IL1RAPL1: variants seen among roughly 807,000 people sequenced by gnomAD.
IL1RAPL1 encodes interleukin 1 receptor accessory protein like 1.
Under a neutral mutation model 48.4 loss-of-function variants are expected in IL1RAPL1, and 3 were observed. The ratio of observed to expected loss-of-function variants is 0.06; its 90% CI spans 0.03 to 0.16. The LOEUF is 0.16. IL1RAPL1 is among the 10% of genes least tolerant of loss of function. The pLI is 1.00. For missense variants in IL1RAPL1, 349 were observed against 530.6 expected (o/e 0.66, Z 3.36); for synonymous variants, 185 against 187.7 (o/e 0.99, Z 0.12).
chrX:29,588,291 T>C (rs1923251155), intron 5 of IL1RAPL1, among the ~76,000 whole-genome samples: 1 of 112,378 alleles, frequency 8.9e-6, no homozygotes, highest in Non-Finnish European at 1.9e-5. Context: ...TGTTGCCCTA[T>C]GAATTTATGG....
At chrX:28,723,451 A>G (rs1935618955) in intron 1 of IL1RAPL1, among the ~76,000 whole-genome samples, 1 of 110,467 alleles carries the variant, frequency 9.1e-6, no homozygotes, top group Non-Finnish European at 1.9e-5. Flanking sequence ...CCCCTTTATC[A>G]TTTTTTATTG....
chrX:29,261,570 TCTTTC>T (rs1341519092), intron 2 of IL1RAPL1, among the ~76,000 whole-genome samples: 2 of 111,093 alleles, frequency 1.8e-5, no homozygotes, highest in African/African-American at 3.3e-5. Flanking sequence ...CTATCATGTT[TCTTTC>T]CTTCTACTTC....
At chrX:29,457,796 AT>A (rs1777981013) in intron 5 of IL1RAPL1, among the ~76,000 whole-genome samples, 1 of 112,206 alleles carries the variant, frequency 8.9e-6, no homozygotes, top group Non-Finnish European at 1.9e-5. Context: ...GGGCTGAACT[AT>A]TTTACATTCC....
At chrX:29,790,046 G>C (rs1419056219) in intron 6 of IL1RAPL1, among the ~76,000 whole-genome samples, 2 of 110,854 alleles carry the variant, frequency 1.8e-5, no homozygotes, top group East Asian at 5.6e-4. Context: ...TTCTCTGTCT[G>C]GTATTTTTCT....
intron 6 of IL1RAPL1, among the ~76,000 whole-genome samples, chrX:29,675,064 A>G (rs1391359127): frequency 8.9e-6 from 1 of 112,483 alleles, no homozygotes; most frequent in Non-Finnish European, 1.9e-5. Flanking sequence ...AGAAGGATTT[A>G]TATTCCTTTG....
chrX:29,168,723 GTATA>G (rs1270199941), intron 2 of IL1RAPL1, among the ~76,000 whole-genome samples: 2 of 79,262 alleles, frequency 2.5e-5, no homozygotes, highest in African/African-American at 8.1e-5. Flanking sequence ...ATGTACAATT[GTATA>G]TATATATTCA....
Position 28,918,714 on chromosome X carries a change from G to A in IL1RAPL1, c.82+129289G>A, listed in dbSNP as rs895106340. ...GAGACTTGATGCTAAATAGGTGTTT[G>A]GTGTATGAAAACTAAGGATGAAGCA... On this transcript the variant is annotated intron_variant, in intron 2 of 10. Coordinates refer to ENST00000378993, the MANE Select transcript of IL1RAPL1 (RefSeq NM_014271.4). 5.4e-5 allele frequency among the ~76,000 whole-genome samples: 6 copies of A among 111,629 alleles called. No individual in the cohort carries two copies. The Admixed American group carries it at 5.7e-4, about 11-fold the overall frequency.
chrX:29,924,493 TA>T (rs1481996732), intron 8 of IL1RAPL1, among the ~76,000 whole-genome samples: 1 of 112,298 alleles, frequency 8.9e-6, no homozygotes, highest in Non-Finnish European at 1.9e-5. Context: ...GCATGAAAAT[TA>T]AAATTAAATG....
intron 3 of IL1RAPL1, among the ~76,000 whole-genome samples, chrX:29,308,491 G>C (rs922897710): frequency 8.9e-6 from 1 of 111,739 alleles, no homozygotes; most frequent in Non-Finnish European, 1.9e-5. Flanking sequence ...AACAAAAGAA[G>C]GGAGAAAATG....
intron 2 of IL1RAPL1, among the ~76,000 whole-genome samples, chrX:29,091,163 A>G (rs1569234946): frequency 8.9e-6 from 1 of 112,318 alleles, no homozygotes; most frequent in Non-Finnish European, 1.9e-5. Context: ...GGAACTATAC[A>G]TGATGCATAT....
chrX:29,215,898 A>G (rs1181992517), intron 2 of IL1RAPL1, among the ~76,000 whole-genome samples: 2 of 110,968 alleles, frequency 1.8e-5, no homozygotes, highest in South Asian at 7.7e-4. Context: ...CTGGCCCCCA[A>G]TCTCCTGAAA....
intron 2 of IL1RAPL1, among the ~76,000 whole-genome samples, chrX:28,993,290 A>G (rs1046672493): frequency 8.9e-6 from 1 of 111,886 alleles, no homozygotes; most frequent in African/African-American, 3.2e-5. Flanking sequence ...GGGTTTTAAG[A>G]AAAATATTAT....
At chrX:29,434,522 T>C (rs1934459034) in intron 5 of IL1RAPL1, among the ~76,000 whole-genome samples, 2 of 110,945 alleles carry the variant, frequency 1.8e-5, no homozygotes, top group African/African-American at 6.5e-5. Flanking sequence ...CACTGTTTTT[T>C]GCCATCTAAT....
At chrX:28,753,919 GGAGAGA>G (rs761095391) in intron 1 of IL1RAPL1, among the ~76,000 whole-genome samples, 1 of 104,414 alleles carries the variant, frequency 9.6e-6, no homozygotes, top group Admixed American at 1.0e-4. Flanking sequence ...AAGGAGGGAG[GGAGAGA>G]GAGAGAGAGA....
intron 2 of IL1RAPL1, among the ~76,000 whole-genome samples, chrX:29,108,395 TTTTG>T (rs1040438317): frequency 2.7e-5 from 3 of 110,565 alleles, no homozygotes; most frequent in Non-Finnish European, 3.8e-5. Context: ...AGCATTTTGT[TTTTG>T]TTTGTTTGTT....
chrX:29,621,690 T>G (rs1924467013), intron 5 of IL1RAPL1, among the ~76,000 whole-genome samples: 1 of 111,913 alleles, frequency 8.9e-6, no homozygotes, highest in Non-Finnish European at 1.9e-5. Context: ...GACAATTTAA[T>G]ATATTCATAT....
intron 5 of IL1RAPL1, among the ~76,000 whole-genome samples, chrX:29,419,072 A>G (rs895672094): frequency 1.2e-4 from 13 of 111,967 alleles, no homozygotes; most frequent in Admixed American, 1.0e-3. Context: ...TTAAGAAGTT[A>G]TAGCTACTTC....
chrX:29,880,087 A>G (rs1601863546), intron 6 of IL1RAPL1, among the ~76,000 whole-genome samples: 2 of 111,396 alleles, frequency 1.8e-5, no homozygotes, highest in African/African-American at 3.3e-5. Context: ...TGAAGTTTTC[A>G]AAACTCCATC....
intron 5 of IL1RAPL1, among the ~76,000 whole-genome samples, chrX:29,562,758 A>G (rs1922278430): frequency 1.8e-5 from 2 of 112,212 alleles, no homozygotes; most frequent in South Asian, 7.3e-4. Context: ...TCTTTCCATC[A>G]CTAAATCTCT....
Sources: gnomAD v4.1 joint callset for allele counts (sites outside exome capture counted in the v4.1 genomes callset) on GRCh38, gnomAD v4.1.1 for gene constraint, MANE v1.5 for transcripts, NCBI Gene and HGNC (gene_info 2026-07-23, HGNC 2026-07-21) for gene names.